The following CERKL variants were observed in gnomAD, a reference collection of about 807,000 sequenced individuals.
The protein encoded by CERKL is ceramide kinase-like protein.
A neutral mutation model predicts 63.4 loss-of-function variants in CERKL; 61 were observed. That is an observed-to-expected ratio of 0.96 (90% CI 0.78 to 1.19). The LOEUF is 1.19. CERKL is among the 50% of genes most tolerant of loss of function. The pLI is 0.00. For synonymous variants in CERKL, 250 were observed against 230.5 expected (o/e 1.08, Z -0.77); for missense variants, 675 against 655.5 (o/e 1.03, Z -0.33).
At chr2:181,620,163 A>G (rs1686385248) in intron 1 of CERKL, among the ~76,000 whole-genome samples, 1 of 152,208 alleles carries the variant, frequency 6.6e-6, no homozygotes, top group Non-Finnish European at 1.5e-5. Flanking sequence ...GTAAACCACA[A>G]TGATGGTTTC....
chr2:181,643,948 C>A (rs1286718418), intron 1 of CERKL, among the ~76,000 whole-genome samples: 1 of 152,154 alleles, frequency 6.6e-6, no homozygotes, highest in East Asian at 1.9e-4. Flanking sequence ...TCGAACATTT[C>A]AAATAAAAGC....
At chr2:181,572,780 C>CTTTTTTT (rs5836800) in intron 3 of CERKL, among the ~76,000 whole-genome samples, 45,063 of 129,056 alleles carry the variant, frequency 0.35, 7,965 homozygotes, top group African/African-American at 0.47. Context: ...ACAAAACTTG[C>CTTTTTTT]TTTTTTTTTT....
rs372089851 is a variant in CERKL at position 181,656,966 on chromosome 2, T to C, written c.41A>G (p.Glu14Gly). 4.4e-6 allele frequency: 7 copies of C among 1,582,294 alleles called. No homozygotes were observed. The highest frequency in any genetic ancestry group is 6.0e-6 in the Non-Finnish European group (7 of 1,166,238). Reference sequence around the variant, plus strand: ...GGGCGCCTCTTCCTCCCGGCCGCCCTCCAGGGCACTCACCCGGTTCCTGCG... The same window carrying C: ...GGGCGCCTCTTCCTCCCGGCCGCCCCCCAGGGCACTCACCCGGTTCCTGCG... ...RRRRNRVSAL[E>G]GGREEEAPPE... The change falls in exon 1 of 13, where the codon GAG (glutamate) becomes GGG (glycine). Residue 14 changes from glutamate to glycine, a missense_variant. By Grantham distance (98) the Glu-to-Gly change is moderately conservative. Transcript: ENST00000410087.
At chr2:181,562,733 A>G (rs1286475962) in intron 4 of CERKL, among the ~76,000 whole-genome samples, 1 of 152,172 alleles carries the variant, frequency 6.6e-6, no homozygotes, top group African/African-American at 2.4e-5. Context: ...AGAGTGATAA[A>G]GATTTTTTTA....
intron 2 of CERKL, among the ~76,000 whole-genome samples, chr2:181,592,329 G>A (rs959628401): frequency 6.6e-6 from 1 of 152,116 alleles, no homozygotes; most frequent in African/African-American, 2.4e-5. Flanking sequence ...AGCAACATGA[G>A]AATGGTATCA....
At chr2:181,656,003 T>C (rs965042946) in intron 1 of CERKL, among the ~76,000 whole-genome samples, 2 of 152,212 alleles carry the variant, frequency 1.3e-5, no homozygotes, top group African/African-American at 4.8e-5. Flanking sequence ...TCTATAAGGC[T>C]ATTTGACTAA....
At chr2:181,584,208 T>C (rs1006431305) in intron 2 of CERKL, among the ~76,000 whole-genome samples, 5 of 152,166 alleles carry the variant, frequency 3.3e-5, no homozygotes, top group Admixed American at 1.3e-4. Context: ...CTTTGACTTA[T>C]CCTCTTAATA....
chr2:181,608,342 C>A (rs1685808560), intron 1 of CERKL, among the ~76,000 whole-genome samples: 1 of 145,336 alleles, frequency 6.9e-6, no homozygotes, highest in South Asian at 2.1e-4. Flanking sequence ...TAGTTATGGT[C>A]TTGTATCACA....
At chr2:181,556,811 A>G (rs1483328046) in intron 5 of CERKL, among the ~76,000 whole-genome samples, 1 of 152,216 alleles carries the variant, frequency 6.6e-6, no homozygotes, top group Admixed American at 6.6e-5. Flanking sequence ...TCCCTGAGGA[A>G]TTGCCACACT....
chr2:181,541,556 A>C (rs1687507536), intron 11 of CERKL, among the ~76,000 whole-genome samples: 1 of 152,216 alleles, frequency 6.6e-6, no homozygotes. Flanking sequence ...TTCTGACAAC[A>C]AGAGAAAGGC....
intron 1 of CERKL, among the ~76,000 whole-genome samples, chr2:181,651,795 T>C (rs1266252318): frequency 6.6e-6 from 1 of 151,124 alleles, no homozygotes; most frequent in African/African-American, 2.4e-5. Flanking sequence ...AAAGAACTGT[T>C]AGAATTCAGT....
At chr2:181,542,138 T>C (rs866216174) in intron 11 of CERKL, among the ~76,000 whole-genome samples, 5 of 152,028 alleles carry the variant, frequency 3.3e-5, no homozygotes, top group African/African-American at 9.7e-5. Context: ...ATGGTCACAA[T>C]GAAAGAGAAA....
intron 4 of CERKL, chr2:181,565,323 G>A (rs1688613658): frequency 1.3e-6 from 1 of 776,638 alleles, no homozygotes; most frequent in Admixed American, 1.9e-5. Context: ...CACGTAAAAA[G>A]AACTTCCCTA....
chr2:181,585,433 T>C (rs963071376), intron 2 of CERKL, among the ~76,000 whole-genome samples: 2 of 152,212 alleles, frequency 1.3e-5, no homozygotes, highest in Non-Finnish European at 2.9e-5. Context: ...AGCTTCTCTT[T>C]AAATTGGTAT....
chr2:181,565,480 A>G lies in CERKL; in HGVS notation c.677+578T>C, dbSNP rs200512836. The stretch of plus-strand genomic sequence containing the variant: ...CAGTGAACAATCTCTGTACACTCCA[A>G]TGTATTGCGAACAATGGTTTCCGAT... On this transcript the variant is annotated intron_variant, in intron 4 of 12. Coordinates refer to ENST00000410087, the MANE Select transcript of CERKL (RefSeq NM_201548.5). The G allele has an allele frequency of 1.3e-3, 2,127 of 1,611,842 alleles. 54 individuals are homozygous for G. The South Asian group carries it at 0.021, about 16-fold the overall frequency.
chr2:181,656,539 C>A (rs941661646), intron 1 of CERKL, among the ~76,000 whole-genome samples: 10 of 151,774 alleles, frequency 6.6e-5, no homozygotes, highest in African/African-American at 2.4e-4. Flanking sequence ...GGCTAGGTAG[C>A]GAAAGAATCC....
chr2:181,544,762 G>A lies in CERKL; in HGVS notation c.1303C>T (p.Arg435Ter), dbSNP rs1187839124. The change falls in exon 11 of 13, where the codon CGA (arginine) becomes TGA (stop). Residue 435 changes from arginine to a stop codon, truncating the protein, a stop_gained. Transcript: ENST00000410087. LOFTEE classifies it high-confidence loss of function. Reference sequence around the variant, plus strand: ...ATAAATTCTGGCCGAGAAGTGTTTCGGGCAATTATAAGAGCCATACTTCCA... The same window carrying A: ...ATAAATTCTGGCCGAGAAGTGTTTCAGGCAATTATAAGAGCCATACTTCCA... Reference protein sequence around the residue: ...NNGSMALIIARNTSRPEFIKH... With the variant: ...NNGSMALIIA The A allele has an allele frequency of 5.0e-6, 8 of 1,607,330 alleles. No individual in the cohort carries two copies. Among genetic ancestry groups the A allele is most frequent in the South Asian group, 2.2e-5 (2 of 90,070 alleles).
At chr2:181,593,554 C>T (rs1375583773) in intron 2 of CERKL, among the ~76,000 whole-genome samples, 2 of 148,026 alleles carry the variant, frequency 1.4e-5, no homozygotes, top group African/African-American at 2.5e-5. Context: ...AAAACTAAAA[C>T]ACCACTGGTA....
intron 1 of CERKL, among the ~76,000 whole-genome samples, chr2:181,636,316 A>G (rs553600690): frequency 6.6e-6 from 1 of 152,078 alleles, no homozygotes; most frequent in Admixed American, 6.6e-5. Context: ...ACATCCCCCA[A>G]ATTTTGTCTT....
Sources: gnomAD v4.1 joint callset for allele counts (sites outside exome capture counted in the v4.1 genomes callset) on GRCh38, gnomAD v4.1.1 for gene constraint, MANE v1.5 for transcripts, NCBI Gene and HGNC (gene_info 2026-07-23, HGNC 2026-07-21) for gene names.